The following TLK1 variants were observed in gnomAD, a reference collection of about 807,000 sequenced individuals.
TLK1 encodes tousled like kinase 1, also known as serine/threonine-protein kinase tousled-like 1.
A neutral mutation model predicts 105.3 loss-of-function variants in TLK1; 24 were observed. That is an observed-to-expected ratio of 0.23 (90% CI 0.17 to 0.32). The LOEUF is 0.32. Among genes scored for constraint, TLK1 ranks in the 10% least tolerant of loss-of-function variants. The pLI, the probability that TLK1 is intolerant of heterozygous loss-of-function variation, is 1.00. For synonymous variants in TLK1, 321 were observed against 310.4 expected (o/e 1.03, Z -0.36); for missense variants, 558 against 910.5 (o/e 0.61, Z 4.98).
chr2:171,161,243 C>T (rs991647985), upstream of TLK1, among the ~76,000 whole-genome samples: 23 of 151,506 alleles, frequency 1.5e-4, no homozygotes, highest in African/African-American at 1.9e-4. Context: ...CCACCTGACT[C>T]CCCCTGTCTC....
At chr2:171,221,202 A>G (rs1693804380) in intron 1 of TLK1, among the ~76,000 whole-genome samples, 2 of 152,202 alleles carry the variant, frequency 1.3e-5, no homozygotes, top group Admixed American at 1.3e-4. Context: ...TGTAATGAAT[A>G]TCTGTTATCA....
chr2:171,160,780 A>T lies in TLK1; in HGVS notation c.-352T>A. 1 of 404,990 alleles carries T rather than the reference A, an allele frequency of 2.5e-6. No individual in the cohort carries two copies. Among genetic ancestry groups the T allele is most frequent in the Non-Finnish European group, 4.3e-6 (1 of 232,516 alleles). The allele number at this position is 404,990 out of a possible 1,614,324, so 25.1% of individuals were successfully genotyped here. A position where few individuals can be genotyped will look rare whatever the true frequency, so the allele number is the denominator to read the frequency against. Reference sequence around the variant, plus strand: ...AGCGCGGGCTGCGCCGGCCGAGGACACTTCCGCGGGCGGAACCTGCCGGCA... The same window carrying T: ...AGCGCGGGCTGCGCCGGCCGAGGACTCTTCCGCGGGCGGAACCTGCCGGCA... On this transcript the variant is annotated 5_prime_UTR_variant, in exon 1 of 21. Coordinates refer to ENST00000431350, the MANE Select transcript of TLK1 (RefSeq NM_012290.5). This position sits in a 1 kb window ranked among gnomAD's most constrained non-coding sequence, Gnocchi z 4.4.
chr2:171,172,896 G>A (rs1280476552), intron 1 of TLK1, among the ~76,000 whole-genome samples: 1 of 152,120 alleles, frequency 6.6e-6, no homozygotes, highest in Non-Finnish European at 1.5e-5. Flanking sequence ...TAATACTCTA[G>A]TATTCTCATA....
At chr2:171,023,152 G>C (rs1685606517) in intron 12 of TLK1, 1 of 470,960 alleles carries the variant, frequency 2.1e-6, no homozygotes, top group African/African-American at 2.0e-5. Context: ...GGCACAAGGA[G>C]AGATGAATGC....
chr2:171,141,100 T>A (rs1691554199), intron 1 of TLK1, among the ~76,000 whole-genome samples: 1 of 152,088 alleles, frequency 6.6e-6, no homozygotes, highest in South Asian at 2.1e-4. Flanking sequence ...CAAAAAAGGA[T>A]GTAAGAAACA....
intron 1 of TLK1, among the ~76,000 whole-genome samples, chr2:171,135,871 T>C (rs574137566): frequency 6.6e-6 from 1 of 152,258 alleles, no homozygotes; most frequent in East Asian, 1.9e-4. Context: ...TCACACCTAT[T>C]AGAATGGCTA....
chr2:171,108,067 AC>A (rs1156242488), intron 2 of TLK1, among the ~76,000 whole-genome samples: 1 of 117,080 alleles, frequency 8.5e-6, no homozygotes, highest in Admixed American at 7.6e-5. Context: ...CAAAAAAAAA[AC>A]AACAACAACA....
At position 171,219,033 on chromosome 2, in the gene TLK1, T is replaced by C. The variant is rs74265014; in HGVS notation, c.-6+12112A>G. On this transcript the variant is annotated intron_variant, in intron 1 of 20. Transcript: ENST00000521943. The stretch of plus-strand genomic sequence containing the variant: ...ATAAGGTGCAAGAATATGCCCAAGA[T>C]CACAATGATAGATTCAAATCCAGGA... 2.6e-5 allele frequency among the ~76,000 whole-genome samples: 4 copies of C among 152,238 alleles called. No homozygotes were observed. The East Asian group carries it at 7.7e-4, about 29-fold the overall frequency.
At position 170,993,616 on chromosome 2, in the gene TLK1, A is replaced by T; in HGVS notation, c.*164T>A. The T allele has an allele frequency of 1.8e-6, 1 of 550,862 alleles. No individual in the cohort carries two copies. Among genetic ancestry groups the T allele is most frequent in the South Asian group, 4.6e-5 (1 of 21,912 alleles). 34.1% of individuals were successfully genotyped at this position (550,862 alleles called of 1,614,324 possible). A position where few individuals can be genotyped will look rare whatever the true frequency, so the allele number is the denominator to read the frequency against. On this transcript the variant is annotated 3_prime_UTR_variant, in exon 21 of 21. Coordinates refer to ENST00000431350, the MANE Select transcript of TLK1 (RefSeq NM_012290.5). ...TTGTCCATGATCCTCTCTCATACAAATGACACTATGAGGAACTTCAGTTCA... is the reference window on the plus strand; with the variant it reads ...TTGTCCATGATCCTCTCTCATACAATTGACACTATGAGGAACTTCAGTTCA...
intron 2 of TLK1, among the ~76,000 whole-genome samples, chr2:171,101,816 A>G (rs1689706480): frequency 6.6e-6 from 1 of 152,202 alleles, no homozygotes; most frequent in African/African-American, 2.4e-5. Flanking sequence ...AAAAACACCC[A>G]TGAGACATTG....
chr2:171,197,228 A>G (rs1051549715), intron 1 of TLK1, among the ~76,000 whole-genome samples: 1 of 152,226 alleles, frequency 6.6e-6, no homozygotes, highest in Non-Finnish European at 1.5e-5. Flanking sequence ...GCGCTCATAC[A>G]TTAAATTTTC....
chr2:171,140,253 T>G (rs956599814), intron 1 of TLK1, among the ~76,000 whole-genome samples: 12 of 152,230 alleles, frequency 7.9e-5, no homozygotes, highest in African/African-American at 2.9e-4. Context: ...GACTTTCTCC[T>G]TCCAGTAATG....
In TLK1 at chr2:171,108,516, A is replaced by C. The variant is rs574052757; in HGVS notation, c.258+9223T>G. 9.8e-5 allele frequency among the ~76,000 whole-genome samples: 15 copies of C among 152,360 alleles called. No individual in the cohort carries two copies. In the South Asian group the frequency reaches 3.1e-3, roughly 32 times the overall value. On this transcript the variant is annotated intron_variant, in intron 2 of 20. Transcript: ENST00000431350. ...GTCAGAAAATAACAATAATTACAAA[A>C]AATGTAATAAACAAAACTCACCATT...
intron 16 of TLK1, 38 bp downstream of exon 16, chr2:171,006,762 T>C: frequency 6.3e-7 from 1 of 1,596,766 alleles, no homozygotes; most frequent in Non-Finnish European, 8.6e-7. Flanking sequence ...AAAGCAAGCA[T>C]ATCTTTCCTT....
At chr2:171,085,626 A>C (rs1449361032) in intron 2 of TLK1, among the ~76,000 whole-genome samples, 1 of 152,214 alleles carries the variant, frequency 6.6e-6, no homozygotes, top group Non-Finnish European at 1.5e-5. Context: ...TTTTATATTC[A>C]GTAAAATCCA....
At chr2:171,107,620 GGAC>G (rs1689985411) in intron 2 of TLK1, among the ~76,000 whole-genome samples, 1 of 152,172 alleles carries the variant, frequency 6.6e-6, no homozygotes, top group African/African-American at 2.4e-5. Context: ...ATGCAGAAAA[GGAC>G]GAGGGAAGCC....
At chr2:171,066,755 C>T in intron 3 of TLK1, 1 of 1,361,886 alleles carries the variant, frequency 7.3e-7, no homozygotes, top group Non-Finnish European at 1.0e-6. Context: ...TTTCCCTTCT[C>T]TGGCTATCCC....
chr2:171,027,183 C>A (rs1685813500), intron 12 of TLK1, among the ~76,000 whole-genome samples: 1 of 152,082 alleles, frequency 6.6e-6, no homozygotes, highest in South Asian at 2.1e-4. Flanking sequence ...CTCCATCCTA[C>A]CTCACCCTAT....
chr2:170,998,897 T>C (rs914118480), intron 18 of TLK1, among the ~76,000 whole-genome samples: 3 of 152,124 alleles, frequency 2.0e-5, no homozygotes, highest in Non-Finnish European at 4.4e-5. Flanking sequence ...GCCTCCCAAA[T>C]AGATGGGACT....
Sources: allele counts gnomAD v4.1 joint callset (sites outside exome capture counted in the v4.1 genomes callset), GRCh38; gene constraint gnomAD v4.1.1; non-coding constraint Gnocchi (gnomAD v3.1); transcripts MANE v1.5; gene names NCBI Gene and HGNC (gene_info 2026-07-23, HGNC 2026-07-21).